The following GSE1 variants were observed in gnomAD, a reference collection of about 807,000 sequenced individuals.
GSE1 encodes genetic suppressor element 1.
GSE1 carries 32 observed loss-of-function variants against 112.6 expected under a neutral mutation model. The ratio of observed to expected loss-of-function variants is 0.28; its 90% CI spans 0.21 to 0.38. GSE1 has a LOEUF of 0.38. Among genes scored for constraint, GSE1 ranks in the 10% least tolerant of loss-of-function variants. The pLI is 1.00. For synonymous variants in GSE1, 1,115 were observed against 735.6 expected, an observed-to-expected ratio of 1.52 and a Z score of -8.35; for missense variants, 2,348 against 1,699.2, an observed-to-expected ratio of 1.38 and a Z score of -6.71.
chr16:85,182,152 C>T (rs1291452442), intron 1 of GSE1, among the ~76,000 whole-genome samples: 2 of 152,162 alleles, frequency 1.3e-5, no homozygotes, highest in Non-Finnish European at 1.5e-5. Flanking sequence ...GGAAGCCCTC[C>T]CCCACCCTCC....
intron 1 of GSE1, among the ~76,000 whole-genome samples, chr16:85,354,918 G>A (rs1380744389): frequency 6.6e-6 from 1 of 152,220 alleles, no homozygotes; most frequent in Admixed American, 6.5e-5. Flanking sequence ...AGGCCCCAGG[G>A]TACCTGCCGT....
intron 2 of GSE1, among the ~76,000 whole-genome samples, chr16:85,468,570 C>G (rs550230351): frequency 6.6e-6 from 1 of 151,992 alleles, no homozygotes; most frequent in Non-Finnish European, 1.5e-5. Flanking sequence ...CACCAGCCCC[C>G]CTCAGCCTCC....
intron 1 of GSE1, among the ~76,000 whole-genome samples, chr16:85,246,251 CTGTCT>C (rs1184962955): frequency 2.8e-4 from 35 of 123,598 alleles, no homozygotes; most frequent in African/African-American, 9.7e-4. Flanking sequence ...ACACCACACG[CTGTCT>C]ACACACACAC....
chr16:85,623,931 G>A (rs1318858540), intron 1 of GSE1, among the ~76,000 whole-genome samples: 1 of 152,218 alleles, frequency 6.6e-6, no homozygotes, highest in Non-Finnish European at 1.5e-5. Flanking sequence ...GGGCCCTGTA[G>A]ATAGGTACTG....
chr16:85,352,962 A>G (rs2046880499), intron 1 of GSE1, among the ~76,000 whole-genome samples: 1 of 152,242 alleles, frequency 6.6e-6, no homozygotes, highest in Non-Finnish European at 1.5e-5. Flanking sequence ...ACTGATACCT[A>G]GGCCAGGCAC....
At chr16:85,581,129 CTG>C (rs1279379577) in intron 1 of GSE1, among the ~76,000 whole-genome samples, 1 of 152,160 alleles carries the variant, frequency 6.6e-6, no homozygotes, top group Admixed American at 6.5e-5. Context: ...GGTGATCAGC[CTG>C]TGTGTGTTGG....
At chr16:85,169,885 T>C (rs2074330150) in exon 1 of GSE1, 1 of 984,060 alleles carries the variant, frequency 1.0e-6, no homozygotes, top group Admixed American at 6.2e-5. Context: ...GCCCCACCAG[T>C]GCGACGCGGG....
At chr16:85,613,160 A>T (rs931115235), upstream of GSE1, 18 of 1,346,268 alleles carry the variant, frequency 1.3e-5, no homozygotes, top group Admixed American at 3.5e-4. Context: ...GGCTGAGGTC[A>T]GGGAGCCGGG....
rs193276800 is a variant in GSE1 at position 85,272,937 on chromosome 16, C to G, written c.2284-84526C>G. ...GATTACAGGCATGCACTATTATGCC[C>G]GGCTAACTTTGTATTTTTAGTAGAG... On this transcript the variant is annotated intron_variant, in intron 1 of 2. Transcript: ENST00000637419. 4.1e-3 allele frequency among the ~76,000 whole-genome samples: 621 copies of G among 152,202 alleles called. 3 individuals carry two copies. Among genetic ancestry groups the G allele is most frequent in the South Asian group, 5.2e-3 (25 of 4,822 alleles).
intron 2 of GSE1, among the ~76,000 whole-genome samples, chr16:85,646,740 A>C (rs1013446694): frequency 6.6e-6 from 1 of 152,108 alleles, no homozygotes; most frequent in African/African-American, 2.4e-5. Flanking sequence ...GTGAGTGTGC[A>C]GCCGTGCACC....
At chr16:85,312,181 C>T (rs1027372974) in intron 1 of GSE1, among the ~76,000 whole-genome samples, 2 of 131,874 alleles carry the variant, frequency 1.5e-5, no homozygotes, top group African/African-American at 6.4e-5. Context: ...TGCAATCCCT[C>T]TGTGGTCTCT....
At chr16:85,556,675 C>G (rs1254786633) in intron 1 of GSE1, among the ~76,000 whole-genome samples, 1 of 150,168 alleles carries the variant, frequency 6.7e-6, no homozygotes, top group Non-Finnish European at 1.5e-5. Flanking sequence ...GGCCGAGGCA[C>G]TTAAACCTTC....
At chr16:85,619,806 A>T (rs2048616453) in intron 1 of GSE1, among the ~76,000 whole-genome samples, 1 of 152,152 alleles carries the variant, frequency 6.6e-6, no homozygotes, top group African/African-American at 2.4e-5. Context: ...GATTATCCCC[A>T]TTTAGCCATG....
intron 2 of GSE1, among the ~76,000 whole-genome samples, chr16:85,480,630 C>G (rs2050643898): frequency 6.6e-6 from 1 of 152,154 alleles, no homozygotes; most frequent in Non-Finnish European, 1.5e-5. Flanking sequence ...GTCCGATTGC[C>G]CTCCTGGGAG....
Position 85,613,890 on chromosome 16 carries a change from C to T in GSE1, c.7+492C>T, listed in dbSNP as rs1465258063. Among the ~76,000 whole-genome samples, 55 of 148,376 alleles carry T rather than the reference C, an allele frequency of 3.7e-4. No individual in the cohort carries two copies. The South Asian group carries it at 9.5e-3, about 26-fold the overall frequency. ...GGGGGGGTGCTCGCTACTGGGGCCG[C>T]GCCGGTTAGGGTTCTTGTCTTGCTC... On this transcript the variant is annotated intron_variant, in intron 1 of 15. Coordinates refer to ENST00000253458, the MANE Select transcript of GSE1 (RefSeq NM_014615.5).
At chr16:85,291,084 T>C (rs1014368715) in intron 1 of GSE1, among the ~76,000 whole-genome samples, 1 of 152,248 alleles carries the variant, frequency 6.6e-6, no homozygotes, top group African/African-American at 2.4e-5. Context: ...CAGCATTTCA[T>C]GGAATCCTTA....
intron 1 of GSE1, among the ~76,000 whole-genome samples, chr16:85,247,653 C>T (rs1454877926): frequency 6.6e-6 from 1 of 152,238 alleles, no homozygotes; most frequent in Non-Finnish European, 1.5e-5. Flanking sequence ...GCAGCAGCAG[C>T]GTTGGGGCTC....
At position 85,598,898 on chromosome 16, in the gene GSE1, C is replaced by T. The variant is rs187112725; in HGVS notation, c.37+42535C>T. Among the ~76,000 whole-genome samples the T allele has an allele frequency of 3.9e-5, 6 of 152,342 alleles. No homozygotes were observed. The East Asian group carries it at 1.2e-3, about 29-fold the overall frequency. On this transcript the variant is annotated intron_variant, in intron 1 of 2. Transcript: ENST00000635906. ...GTGGTCTGTGATCAATGACAAAGCC[C>T]ACAGGCGGTGATTGGAGCATCGGGG...
chr16:85,388,671 G>C (rs1231081112), intron 2 of GSE1, among the ~76,000 whole-genome samples: 2 of 151,762 alleles, frequency 1.3e-5, no homozygotes, highest in African/African-American at 2.4e-5. Context: ...TGGATGGATG[G>C]ATGGATGGGT....
Sources: allele counts gnomAD v4.1 joint callset (sites outside exome capture counted in the v4.1 genomes callset), GRCh38; gene constraint gnomAD v4.1.1; transcripts MANE v1.5; gene names NCBI Gene and HGNC (gene_info 2026-07-23, HGNC 2026-07-21).